CDH23: variants seen among roughly 807,000 people sequenced by gnomAD.
CDH23 encodes cadherin related 23.
A neutral mutation model predicts 317.1 loss-of-function variants in CDH23; 189 were observed. That is an observed-to-expected ratio of 0.60 (90% CI 0.53 to 0.67). The LOEUF is 0.67. Ranked by LOEUF, CDH23 falls within the 30% of genes least tolerant of loss-of-function variation. The pLI is 0.00. For missense variants in CDH23, 4,401 were observed against 4,592.4 expected (o/e 0.96, Z 1.20); for synonymous variants, 1,839 against 1,876.8 (o/e 0.98, Z 0.52).
intron 14 of CDH23, chr10:71,647,896 G>A (rs568681856): frequency 6.3e-4 from 96 of 152,254 alleles, no homozygotes; most frequent in African/African-American, 9.4e-4. Context: ...TAAATGTCAC[G>A]GAGTTTAACT....
At chr10:71,623,065 G>C (rs114204649) in intron 11 of CDH23, 3 of 528,554 alleles carry the variant, frequency 5.7e-6, no homozygotes, top group Non-Finnish European at 7.3e-6. Flanking sequence ...GTCCTGGGGG[G>C]ACTGAGCTGA....
At chr10:71,726,683 C>T (rs1251655301) in intron 30 of CDH23, among the ~76,000 whole-genome samples, 2 of 152,238 alleles carry the variant, frequency 1.3e-5, no homozygotes, top group African/African-American at 2.4e-5. Flanking sequence ...GAATCTTATT[C>T]GTGGGCTGGT....
At chr10:71,487,424 C>T (rs2132130673) in intron 3 of CDH23, among the ~76,000 whole-genome samples, 1 of 152,280 alleles carries the variant, frequency 6.6e-6, no homozygotes, top group South Asian at 2.1e-4. Flanking sequence ...CATGCACATA[C>T]ATACTTGCTT....
intron 7 of CDH23, among the ~76,000 whole-genome samples, chr10:71,568,059 G>C (rs1178154957): frequency 6.6e-6 from 1 of 152,164 alleles, no homozygotes; most frequent in African/African-American, 2.4e-5. Context: ...AAGATGGGGT[G>C]CCCCCAGACT....
chr10:71,732,294 C>A lies in CDH23; in HGVS notation c.4023C>A (p.Asp1341Glu). 1 of 1,612,460 alleles carries A rather than the reference C, an allele frequency of 6.2e-7. No individual in the cohort carries two copies. Among genetic ancestry groups the A allele is most frequent in the Non-Finnish European group, 8.5e-7 (1 of 1,179,112 alleles). ...TGCGGGTCCAGGCCTACTCCATCGA[C>A]AACCTCAACCAAATCACGTACCGCT... ...EIVRVQAYSI[D>E]NLNQITYRFN... Residue 1341 changes from aspartate to glutamate, a missense_variant, in exon 32 of 70, where the codon GAC becomes GAA. Around this residue, in one of 3 missense-constraint regions of CDH23, gnomAD observed 3,068 missense variants for 3,203.3 expected, o/e 0.96. Coordinates refer to ENST00000224721, the MANE Select transcript of CDH23 (RefSeq NM_022124.6).
At chr10:71,569,432 A>T (rs75541082) in intron 7 of CDH23, among the ~76,000 whole-genome samples, 7,464 of 152,242 alleles carry the variant, frequency 0.049, 396 homozygotes, top group African/African-American at 0.14. Context: ...CGCTCCTCAA[A>T]TCTTAGCTCA....
intron 21 of CDH23, among the ~76,000 whole-genome samples, chr10:71,694,830 T>C (rs966571514): frequency 6.6e-6 from 1 of 152,086 alleles, no homozygotes; most frequent in African/African-American, 2.4e-5. Flanking sequence ...CCCTCTTTGT[T>C]CCCCATTCGG....
chr10:71,760,114 T>C lies in CDH23; in HGVS notation c.4846-17566T>C, dbSNP rs1840305088. Among the ~76,000 whole-genome samples, 2 of 93,868 alleles carry C rather than the reference T, an allele frequency of 2.1e-5. 1 individual carries two copies. The highest frequency in any genetic ancestry group is 4.8e-5 in the Non-Finnish European group (2 of 41,320). The allele number at this position is 93,868 out of a possible 152,430, so 61.6% of individuals were successfully genotyped here. A position where few individuals can be genotyped will look rare whatever the true frequency, so the allele number is the denominator to read the frequency against. The stretch of plus-strand genomic sequence containing the variant: ...ATATACACACACACATACATACATA[T>C]ATGTGTGTATATATATGTATATACA... On this transcript the variant is annotated intron_variant, in intron 38 of 69. Transcript: ENST00000224721.
In CDH23 at chr10:71,558,267, T is replaced by C. The variant is rs903001009; in HGVS notation, c.430-8475T>C. On this transcript the variant is annotated intron_variant, in intron 6 of 69. Transcript: ENST00000224721. ...CACCTGCCTCGGCCTCCCAAAGTGC[T>C]GGGATTACAGGCATGAGCCACCATG... 6.6e-5 allele frequency among the ~76,000 whole-genome samples: 10 copies of C among 152,340 alleles called. 1 individual carries two copies. The highest frequency in any genetic ancestry group is 5.2e-4 in the Admixed American group (8 of 15,300).
chr10:71,402,837 C>T (rs1847847835), intron 1 of CDH23, among the ~76,000 whole-genome samples: 1 of 152,098 alleles, frequency 6.6e-6, no homozygotes. Flanking sequence ...ATCCAGCTGG[C>T]CAGGCGTGGT....
intron 1 of CDH23, among the ~76,000 whole-genome samples, chr10:71,436,086 T>G (rs1039876076): frequency 1.3e-4 from 20 of 152,270 alleles, no homozygotes; most frequent in African/African-American, 3.6e-4. Context: ...TGTGCCACCT[T>G]GACCTAGTGT....
intron 3 of CDH23, among the ~76,000 whole-genome samples, chr10:71,459,718 G>A (rs1002395690): frequency 6.6e-6 from 1 of 152,108 alleles, no homozygotes; most frequent in Admixed American, 6.5e-5. Flanking sequence ...CCCTGGCAGC[G>A]GGCAACTCTA....
intron 6 of CDH23, among the ~76,000 whole-genome samples, chr10:71,526,578 G>A (rs1259509284): frequency 2.6e-5 from 4 of 152,168 alleles, no homozygotes; most frequent in Admixed American, 1.3e-4. Context: ...TATGCCACTC[G>A]TATGACACCT....
At chr10:71,803,678 T>C (rs1036370598) in intron 55 of CDH23, among the ~76,000 whole-genome samples, 1 of 151,848 alleles carries the variant, frequency 6.6e-6, no homozygotes, top group Non-Finnish European at 1.5e-5. Context: ...TAGTAAAAGA[T>C]CTTTGGTTTG....
chr10:71,538,725 T>C (rs1178093301), intron 6 of CDH23, among the ~76,000 whole-genome samples: 1 of 152,182 alleles, frequency 6.6e-6, no homozygotes, highest in East Asian at 1.9e-4. Context: ...CAATCATTCA[T>C]AACTGTATTT....
chr10:71,526,316 G>C (rs575130235), intron 6 of CDH23, among the ~76,000 whole-genome samples: 25 of 152,334 alleles, frequency 1.6e-4, no homozygotes, highest in African/African-American at 5.8e-4. Flanking sequence ...AGCATCCAGC[G>C]CTCACCTGTG....
At chr10:71,756,365 A>G (rs944255040) in intron 38 of CDH23, among the ~76,000 whole-genome samples, 2 of 152,290 alleles carry the variant, frequency 1.3e-5, no homozygotes, top group East Asian at 1.9e-4. Context: ...TTCTGCTTAG[A>G]GTTTTATCAC....
chr10:71,472,969 G>T (rs1851596765), intron 3 of CDH23, among the ~76,000 whole-genome samples: 1 of 152,146 alleles, frequency 6.6e-6, no homozygotes, highest in South Asian at 2.1e-4. Context: ...TCCTTTATTT[G>T]GATTAAAAGT....
intron 9 of CDH23, among the ~76,000 whole-genome samples, chr10:71,586,913 A>G (rs773716770): frequency 1.9e-4 from 29 of 152,092 alleles, no homozygotes; most frequent in Non-Finnish European, 5.9e-5. Flanking sequence ...TATGCATATT[A>G]CTCCATCATG....
Sources: gnomAD v4.1 joint callset for allele counts (sites outside exome capture counted in the v4.1 genomes callset) on GRCh38, gnomAD v4.1.1 for gene constraint, gnomAD v4.1.1 regional missense constraint, MANE v1.5 for transcripts, NCBI Gene and HGNC (gene_info 2026-07-23, HGNC 2026-07-21) for gene names.